LYPLA1: variants seen among roughly 807,000 people sequenced by gnomAD.
LYPLA1 encodes acyl-protein thioesterase 1.
A neutral mutation model predicts 34.0 loss-of-function variants in LYPLA1; 17 were observed. The ratio of observed to expected loss-of-function variants is 0.50; its 90% CI spans 0.34 to 0.75. The LOEUF (loss-of-function observed/expected upper bound fraction) is 0.75. Among genes scored for constraint, LYPLA1 ranks in the 30% least tolerant of loss-of-function variants. The pLI is 0.01. For missense variants in LYPLA1, 203 were observed against 288.8 expected, an observed-to-expected ratio of 0.70 and a Z score of 2.15; for synonymous variants, 98 against 100.8, an observed-to-expected ratio of 0.97 and a Z score of 0.17.
At chr8:54,101,706 C>T (rs781238395) in intron 1 of LYPLA1, 49 bp downstream of exon 1, 2 of 1,254,622 alleles carry the variant, frequency 1.6e-6, no homozygotes, top group Non-Finnish European at 2.0e-6. Context: ...GGGCAACCAC[C>T]GGTGGCCGGC....
intron 2 of LYPLA1, among the ~76,000 whole-genome samples, chr8:54,090,733 G>A (rs954529633): frequency 6.6e-6 from 1 of 152,194 alleles, no homozygotes; most frequent in Non-Finnish European, 1.5e-5. Flanking sequence ...AACAAAGAGA[G>A]AGCCCCATTG....
At chr8:54,089,437 T>A (rs1775433667) in intron 2 of LYPLA1, among the ~76,000 whole-genome samples, 1 of 139,340 alleles carries the variant, frequency 7.2e-6, no homozygotes, top group African/African-American at 2.8e-5. Flanking sequence ...TATGCATGCA[T>A]AGGAAAAAAC....
Position 54,072,867 on chromosome 8 carries a change from C to T in LYPLA1, c.102-7054G>A, listed in dbSNP as rs546820793. ...TGGTGGTGCGTGCCTGTAGTCCCAG[C>T]TACTCAGGAGGCTGAGGCAGGAGAA... On this transcript the variant is annotated intron_variant, in intron 2 of 8. Transcript: ENST00000316963. Among the ~76,000 whole-genome samples, 313 of 150,014 alleles carry T rather than the reference C, an allele frequency of 2.1e-3. 1 individual carries two copies. The highest frequency in any genetic ancestry group is 7.3e-3 in the African/African-American group (296 of 40,678).
intron 2 of LYPLA1, among the ~76,000 whole-genome samples, chr8:54,092,436 C>T (rs1347370212): frequency 6.6e-6 from 1 of 152,110 alleles, no homozygotes; most frequent in Non-Finnish European, 1.5e-5. Flanking sequence ...ATTCCAGACC[C>T]ACTCAATCAG....
intron 2 of LYPLA1, among the ~76,000 whole-genome samples, chr8:54,074,467 C>T (rs1359536411): frequency 2.0e-5 from 3 of 152,224 alleles, no homozygotes; most frequent in Non-Finnish European, 4.4e-5. Flanking sequence ...ATTTACTCAA[C>T]TGCAAACAGC....
chr8:54,044,211 C>T (rs185912928), downstream of LYPLA1, among the ~76,000 whole-genome samples: 27 of 152,152 alleles, frequency 1.8e-4, no homozygotes, highest in Non-Finnish European at 2.5e-4. Context: ...TTTTATCTTT[C>T]GGGTCACCTG....
intron 8 of LYPLA1, among the ~76,000 whole-genome samples, chr8:54,049,913 A>G (rs1325604245): frequency 1.3e-5 from 2 of 152,056 alleles, no homozygotes; most frequent in Non-Finnish European, 2.9e-5. Flanking sequence ...CTTTCTTCCT[A>G]AACTATTTCT....
intron 2 of LYPLA1, among the ~76,000 whole-genome samples, chr8:54,089,641 T>C (rs1173282333): frequency 2.0e-5 from 3 of 151,946 alleles, no homozygotes; most frequent in Non-Finnish European, 2.9e-5. Flanking sequence ...TTTTTTTTTT[T>C]TGAGATAGGG....
chr8:54,052,557 T>C (rs2129324476), intron 7 of LYPLA1, 98 bp downstream of exon 7: 2 of 770,586 alleles, frequency 2.6e-6, no homozygotes, highest in Non-Finnish European at 2.1e-6. Flanking sequence ...AAAAATAAAG[T>C]TTATTAATAA....
intron 2 of LYPLA1, among the ~76,000 whole-genome samples, chr8:54,072,934 CAAAAA>C (rs59257354): frequency 3.3e-5 from 3 of 91,716 alleles, no homozygotes. Flanking sequence ...AAGACTGAAT[CAAAAA>C]AAAAAAAAAA....
chr8:54,081,093 A>C (rs2129350351), intron 2 of LYPLA1, among the ~76,000 whole-genome samples: 1 of 152,292 alleles, frequency 6.6e-6, no homozygotes, highest in African/African-American at 2.4e-5. Flanking sequence ...TATAGTTCAA[A>C]GGCCTTTTGC....
chr8:54,053,058 T>C (rs28533970), intron 6 of LYPLA1: 23,484 of 289,626 alleles, frequency 0.081, 3,691 homozygotes, highest in African/African-American at 0.4. Flanking sequence ...TGCAGAATTT[T>C]AGGCATAAAA....
intron 2 of LYPLA1, among the ~76,000 whole-genome samples, chr8:54,084,133 A>AAAAAAAAAAAAAAAATTTTTATAT (rs1373090573): frequency 1.3e-4 from 16 of 120,436 alleles, no homozygotes; most frequent in Non-Finnish European, 1.7e-4. Flanking sequence ...AGAAAAAAAA[A>AAAAAAAAAAAAAAAATTTTTATAT]ATAAATAAAT....
chr8:54,074,883 C>A (rs1019825809), intron 2 of LYPLA1, among the ~76,000 whole-genome samples: 8 of 152,212 alleles, frequency 5.3e-5, no homozygotes, highest in African/African-American at 1.9e-4. Context: ...AGTCTTCTGC[C>A]TGTGTTAAAC....
At chr8:54,086,555 CAAAAAAA>C (rs1220626412) in intron 2 of LYPLA1, among the ~76,000 whole-genome samples, 18 of 64,568 alleles carry the variant, frequency 2.8e-4, no homozygotes, top group African/African-American at 4.1e-4. Context: ...CAAAGGGTAC[CAAAAAAA>C]AAAAAAAAAA....
chr8:54,060,302 T>C (rs1168658683), intron 5 of LYPLA1, among the ~76,000 whole-genome samples: 1 of 152,056 alleles, frequency 6.6e-6, no homozygotes, highest in African/African-American at 2.4e-5. Context: ...ATTTTGTATT[T>C]ATAATAGAGA....
At chr8:54,066,887 A>G (rs921927583) in intron 2 of LYPLA1, among the ~76,000 whole-genome samples, 3 of 152,150 alleles carry the variant, frequency 2.0e-5, no homozygotes, top group African/African-American at 7.2e-5. Flanking sequence ...AAAAACAGTA[A>G]CTTTCACCTG....
At position 54,101,870 on chromosome 8, in the gene LYPLA1, G is replaced by C. The variant is rs1328468445; in HGVS notation, c.-47C>G. ...CAAGCGGAAGGAAGAGCGGGCGCCC[G>C]GCCGCGGCCCAAGGGCGTGCGAGCG... On this transcript the variant is annotated 5_prime_UTR_variant, in exon 1 of 9. Transcript: ENST00000316963. 1.3e-5 allele frequency: 15 copies of C among 1,166,086 alleles called. No homozygotes were observed. The highest frequency in any genetic ancestry group is 8.6e-6 in the Non-Finnish European group (8 of 926,920). 72.2% of individuals were successfully genotyped at this position (1,166,086 alleles called of 1,614,324 possible).
chr8:54,065,753 C>A lies in LYPLA1; in HGVS notation c.162G>T (p.Pro54=), dbSNP rs201095333. 1.2e-6 allele frequency: 2 copies of A among 1,613,054 alleles called. No individual in the cohort carries two copies. Among genetic ancestry groups the A allele is most frequent in the East Asian group, 2.2e-5 (1 of 44,860 alleles). ...IRSSHIKYIC[P]HAPVRPVTLN... ...TGAAGATCAGAAATACTCACGCATG[C>A]GGGCAGATATATTTGATATGTGAAC... is the stretch of plus-strand genomic sequence containing the variant. Residue 54 remains proline (P), a synonymous_variant, in exon 3 of 9, where the codon CCG becomes CCT. Coordinates refer to ENST00000316963, the MANE Select transcript of LYPLA1 (RefSeq NM_006330.4).
Sources: gnomAD v4.1 joint callset for allele counts (sites outside exome capture counted in the v4.1 genomes callset) on GRCh38, gnomAD v4.1.1 for gene constraint, MANE v1.5 for transcripts, NCBI Gene and HGNC (gene_info 2026-07-23, HGNC 2026-07-21) for gene names.